PDS5A: variants seen among roughly 807,000 people sequenced by gnomAD.
PDS5A encodes sister chromatid cohesion protein PDS5 homolog A.
A neutral mutation model predicts 167.1 loss-of-function variants in PDS5A; 42 were observed. The observed-to-expected ratio is 0.25, with a 90% CI of 0.20 to 0.33. The LOEUF is 0.33. Among genes scored for constraint, PDS5A ranks in the 10% least tolerant of loss-of-function variants. The pLI is 1.00. For synonymous variants in PDS5A, 553 were observed against 554.6 expected, an observed-to-expected ratio of 1.00 and a Z score of 0.04; for missense variants, 1,033 against 1,605.9, an observed-to-expected ratio of 0.64 and a Z score of 6.10.
At chr4:39,855,603 T>C (rs1280532388) in intron 26 of PDS5A, among the ~76,000 whole-genome samples, 5 of 152,164 alleles carry the variant, frequency 3.3e-5, no homozygotes, top group African/African-American at 7.2e-5. Context: ...GATAATCATA[T>C]GTATGAACAA....
At chr4:39,830,436 T>C (rs1165064564) in intron 32 of PDS5A, among the ~76,000 whole-genome samples, 5 of 152,142 alleles carry the variant, frequency 3.3e-5, no homozygotes, top group African/African-American at 1.2e-4. Flanking sequence ...TTAATTTTCA[T>C]TTTTTTGAGA....
chr4:39,928,282 T>C, intron 2 of PDS5A, 118 bp from the exon 3 acceptor site: 1 of 610,396 alleles, frequency 1.6e-6, no homozygotes, highest in South Asian at 2.1e-5. Context: ...ACCAGACAGT[T>C]CACAGTCAAC....
intron 6 of PDS5A, among the ~76,000 whole-genome samples, chr4:39,921,260 A>C (rs760840526): frequency 2.0e-4 from 31 of 152,226 alleles, no homozygotes; most frequent in Non-Finnish European, 4.0e-4. Context: ...AAACGAATGA[A>C]CATGGCTGTG....
At chr4:39,856,438 T>A (rs1718530620) in intron 26 of PDS5A, among the ~76,000 whole-genome samples, 1 of 152,182 alleles carries the variant, frequency 6.6e-6, no homozygotes, top group Non-Finnish European at 1.5e-5. Flanking sequence ...TAAGTAAATC[T>A]GGTGAAAGTA....
chr4:39,952,789 CATG>C (rs1728539688), intron 2 of PDS5A, among the ~76,000 whole-genome samples: 1 of 144,838 alleles, frequency 6.9e-6, no homozygotes, highest in Non-Finnish European at 1.5e-5. Flanking sequence ...AATGCAATGG[CATG>C]ATCTCAGCTC....
At chr4:39,897,249 GCC>G (rs1722495454) in intron 16 of PDS5A, among the ~76,000 whole-genome samples, 1 of 152,048 alleles carries the variant, frequency 6.6e-6, no homozygotes, top group South Asian at 2.1e-4. Context: ...CAAAAAATTA[GCC>G]AGATGTGATG....
intron 28 of PDS5A, 104 bp downstream of exon 28, chr4:39,848,747 T>G: frequency 9.7e-7 from 1 of 1,034,616 alleles, no homozygotes; most frequent in Non-Finnish European, 1.4e-6. Flanking sequence ...AGATTTTTTC[T>G]TTACTCTGTG....
At chr4:39,886,479 C>A (rs189247908) in intron 17 of PDS5A, among the ~76,000 whole-genome samples, 1 of 151,918 alleles carries the variant, frequency 6.6e-6, no homozygotes, top group Non-Finnish European at 1.5e-5. Flanking sequence ...TTTGGGAGGC[C>A]GAAGTGGGCG....
intron 32 of PDS5A, among the ~76,000 whole-genome samples, chr4:39,829,734 A>G (rs1008006036): frequency 7.2e-5 from 11 of 151,750 alleles, no homozygotes; most frequent in East Asian, 1.9e-4. Flanking sequence ...GGCGGATCAC[A>G]AGGTCAGGAG....
intron 17 of PDS5A, among the ~76,000 whole-genome samples, chr4:39,881,411 T>C (rs918202077): frequency 1.4e-4 from 22 of 152,028 alleles, no homozygotes; most frequent in African/African-American, 4.8e-4. Context: ...AACTTACAGA[T>C]GTTGAAGTTT....
chr4:39,827,998 A>G (rs1715473180), intron 32 of PDS5A, among the ~76,000 whole-genome samples: 1 of 152,202 alleles, frequency 6.6e-6, no homozygotes, highest in Non-Finnish European at 1.5e-5. Context: ...AAGAGGAAAA[A>G]CAAGTGAACT....
intron 2 of PDS5A, among the ~76,000 whole-genome samples, chr4:39,960,490 T>C (rs1385216258): frequency 6.6e-6 from 1 of 152,022 alleles, no homozygotes; most frequent in Non-Finnish European, 1.5e-5. Context: ...GGGAAAGAAA[T>C]TTAGAAAATT....
intron 2 of PDS5A, among the ~76,000 whole-genome samples, chr4:39,946,470 C>T (rs746844200): frequency 3.9e-5 from 6 of 151,970 alleles, no homozygotes; most frequent in Non-Finnish European, 7.4e-5. Flanking sequence ...CCCAGAAGAA[C>T]ATGATGGCAG....
chr4:39,852,162 A>G (rs1718172792), intron 26 of PDS5A, among the ~76,000 whole-genome samples: 1 of 152,202 alleles, frequency 6.6e-6, no homozygotes, highest in African/African-American at 2.4e-5. Context: ...ACATGAACCA[A>G]TTGACTCAAT....
rs1025201072 is a variant in PDS5A, at chr4:39,842,005, G to A, written c.3600C>T (p.Asn1200=). ...GTGTGACTGAAATAATCCTCACAGG[G>A]TTCTCTTCATTTTCACTAACTCCAG... is the stretch of plus-strand genomic sequence containing the variant. ...AETGVSENEE[N]PVRIISVTPV... is the part of the protein sequence containing the mutation. Residue 1200 remains asparagine (N), a synonymous_variant, in exon 31 of 33, where the codon AAC becomes AAT. Coordinates refer to ENST00000303538, the MANE Select transcript of PDS5A (RefSeq NM_001100399.2). 2 of 1,610,268 alleles carry A rather than the reference G, an allele frequency of 1.2e-6. No individual in the cohort carries two copies. The highest frequency in any genetic ancestry group is 2.7e-5 in the African/African-American group (2 of 74,928).
chr4:39,936,271 C>A (rs1726592203), intron 2 of PDS5A, among the ~76,000 whole-genome samples: 1 of 152,124 alleles, frequency 6.6e-6, no homozygotes, highest in South Asian at 2.1e-4. Context: ...ACCCCACAGG[C>A]AAAGTTCTTC....
At chr4:39,847,217 T>C (rs185531843) in intron 28 of PDS5A, 124 of 152,304 alleles carry the variant, frequency 8.1e-4, no homozygotes, top group African/African-American at 2.8e-3. Flanking sequence ...TTCTTGATGA[T>C]GGTATCACCA....
Position 39,930,246 on chromosome 4 carries a change from A to AAAAAAAAAAAAAAAATTTTTTT in PDS5A, c.139-2083_139-2082insAAAAAAATTTTTTTTTTTTTTT. ...AAAAAAAAAAAAAAAAAAAAAAAAA[A>AAAAAAAAAAAAAAAATTTTTTT]GTTTTTTTGTTTTTTGTTTTTTTTT... On this transcript the variant is annotated intron_variant, in intron 2 of 32. Transcript: ENST00000303538. Among the ~76,000 whole-genome samples the AAAAAAAAAAAAAAAATTTTTTT allele has an allele frequency of 1.3e-4, 12 of 93,084 alleles. 1 individual carries two copies. Among genetic ancestry groups the AAAAAAAAAAAAAAAATTTTTTT allele is most frequent in the East Asian group, 9.8e-4 (2 of 2,036 alleles). 61.1% of individuals were successfully genotyped at this position (93,084 alleles called of 152,430 possible).
intron 11 of PDS5A, 88 bp from the exon 12 acceptor site, chr4:39,904,279 AGTCTTATGTGT>A (rs1470212834): frequency 1.3e-6 from 1 of 794,296 alleles, no homozygotes; most frequent in African/African-American, 1.8e-5. Flanking sequence ...TAGGTTGTAC[AGTCTTATGTGT>A]GCCTTTATAA....
Sources: gnomAD v4.1 joint callset for allele counts (sites outside exome capture counted in the v4.1 genomes callset) on GRCh38, gnomAD v4.1.1 for gene constraint, MANE v1.5 for transcripts, NCBI Gene and HGNC (gene_info 2026-07-23, HGNC 2026-07-21) for gene names.